CFAP221: variants seen among roughly 807,000 people sequenced by gnomAD.
CFAP221 encodes cilia and flagella associated protein 221.
A neutral mutation model predicts 113.1 loss-of-function variants in CFAP221; 97 were observed. That is an observed-to-expected ratio of 0.86 (90% CI 0.73 to 1.02). CFAP221 has a LOEUF of 1.02. Among genes scored for constraint, CFAP221 ranks in the 50% least tolerant of loss-of-function variants. The pLI, the probability that CFAP221 is intolerant of heterozygous loss-of-function variation, is 0.00. For synonymous variants in CFAP221, 331 were observed against 354.4 expected (o/e 0.93, Z 0.74); for missense variants, 1,025 against 1,013.4 (o/e 1.01, Z -0.16).
intron 23 of CFAP221, among the ~76,000 whole-genome samples, chr2:119,655,330 G>A (rs934647568): frequency 2.0e-5 from 3 of 152,208 alleles, no homozygotes; most frequent in East Asian, 1.9e-4. Flanking sequence ...GATCAACACA[G>A]TATTACTCAA....
intron 3 of CFAP221, chr2:119,556,950 G>C (rs1680850794): frequency 6.6e-6 from 1 of 152,144 alleles, no homozygotes; most frequent in South Asian, 2.1e-4. Context: ...GGTAGATTTG[G>C]ATTTGCTGTG....
chr2:119,560,045 CTT>C lies in CFAP221; in HGVS notation c.426+38_426+39del, dbSNP rs35631078. On this transcript the variant is annotated intron_variant, in intron 5 of 23. Coordinates refer to ENST00000413369, the MANE Select transcript of CFAP221 (RefSeq NM_001271049.2). Reference sequence around the variant, plus strand: ...CTGTAAGGTAGGTCTCTTAAAATTGCTTTTTTTTTTTTTTTTTTTTGATGGTG... The same window carrying C: ...CTGTAAGGTAGGTCTCTTAAAATTGCTTTTTTTTTTTTTTTTTTGATGGTG... 0.067 allele frequency: 55,124 copies of C among 824,184 alleles called. No individual in the cohort carries two copies. Among genetic ancestry groups the C allele is most frequent in the Middle Eastern group, 0.075 (213 of 2,844 alleles). The allele number at this position is 824,184 out of a possible 1,614,324, so 51.1% of individuals were successfully genotyped here. A position where few individuals can be genotyped will look rare whatever the true frequency, so the allele number is the denominator to read the frequency against.
chr2:119,580,873 A>G (rs1341555138), intron 6 of CFAP221: 1 of 152,486 alleles, frequency 6.6e-6, no homozygotes, highest in Non-Finnish European at 1.5e-5. Flanking sequence ...GCCTGCAGCC[A>G]GGAGAAGAGG....
intron 7 of CFAP221, among the ~76,000 whole-genome samples, chr2:119,596,056 A>G (rs1305666913): frequency 6.6e-6 from 1 of 151,908 alleles, no homozygotes; most frequent in African/African-American, 2.4e-5. Flanking sequence ...GGGTATTAGG[A>G]TTGGGTTCTG....
Position 119,564,788 on chromosome 2 carries a change from G to A in CFAP221, c.527+2674G>A, listed in dbSNP as rs534946251. On this transcript the variant is annotated intron_variant, in intron 6 of 23. Coordinates refer to ENST00000413369, the MANE Select transcript of CFAP221 (RefSeq NM_001271049.2). ...TCCACTGCTGATGGACCGATGGGTAGTTTCCACTATTTTGTTTTGTTTTGT... is the reference window on the plus strand; with the variant it reads ...TCCACTGCTGATGGACCGATGGGTAATTTCCACTATTTTGTTTTGTTTTGT... Among the ~76,000 whole-genome samples, 12 of 152,298 alleles carry A rather than the reference G, an allele frequency of 7.9e-5. No homozygotes were observed. The East Asian group carries it at 9.6e-4, about 12-fold the overall frequency.
chr2:119,638,452 C>G, intron 20 of CFAP221, 35 bp downstream of exon 20: 1 of 1,612,550 alleles, frequency 6.2e-7, no homozygotes, highest in Non-Finnish European at 8.5e-7. Context: ...GCAGAGTGAC[C>G]CTGGGCTGCA....
chr2:119,634,311 C>A (rs1186674918), intron 19 of CFAP221, among the ~76,000 whole-genome samples: 2 of 151,808 alleles, frequency 1.3e-5, no homozygotes, highest in Non-Finnish European at 2.9e-5. Context: ...ACTGTTTCTA[C>A]AAAAAATTAG....
In CFAP221 at chr2:119,644,538, G is replaced by A. The variant is rs903906440; in HGVS notation, c.2226-2420G>A. ...TAACAAGGATAAGCTCTATGTCTCC[G>A]GGCCCAGGTTTGTTTTGGTGGGAAA... On this transcript the variant is annotated intron_variant, in intron 21 of 23. Coordinates refer to ENST00000413369, the MANE Select transcript of CFAP221 (RefSeq NM_001271049.2). Among the ~76,000 whole-genome samples the A allele has an allele frequency of 3.4e-4, 51 of 152,184 alleles. 1 individual carries two copies. Among genetic ancestry groups the A allele is most frequent in the Admixed American group, 9.8e-4 (15 of 15,284 alleles).
chr2:119,654,380 C>T (rs1457350545), intron 23 of CFAP221, among the ~76,000 whole-genome samples: 2 of 152,072 alleles, frequency 1.3e-5, no homozygotes. Context: ...TTTCAAAAAA[C>T]TGACCTAGGG....
Position 119,639,890 on chromosome 2 carries a change from G to A in CFAP221, c.2225+18G>A. 1.2e-6 allele frequency: 2 copies of A among 1,601,450 alleles called. No homozygotes were observed. Among genetic ancestry groups the A allele is most frequent in the South Asian group, 2.2e-5 (2 of 90,800 alleles). ...ACAAAGAGGTAAGCACAGCTCATCT[G>A]TTTGCTCACGAGTATGTGTGCCCCA... On this transcript the variant is annotated intron_variant, in intron 21 of 23. Coordinates refer to ENST00000413369, the MANE Select transcript of CFAP221 (RefSeq NM_001271049.2).
At chr2:119,600,108 G>T (rs958321150) in intron 7 of CFAP221, among the ~76,000 whole-genome samples, 2 of 152,144 alleles carry the variant, frequency 1.3e-5, no homozygotes, top group African/African-American at 4.8e-5. Context: ...GCCTTCAGTG[G>T]AAGTCAGAAC....
chr2:119,562,186 CT>C (rs1427662842), intron 6 of CFAP221, 72 bp downstream of exon 6: 19 of 988,302 alleles, frequency 1.9e-5, no homozygotes, highest in Non-Finnish European at 2.6e-5. Context: ...AAACCTTAGA[CT>C]TTTGTTTTTC....
intron 21 of CFAP221, among the ~76,000 whole-genome samples, chr2:119,644,221 A>G (rs1687663784): frequency 6.6e-6 from 1 of 152,224 alleles, no homozygotes; most frequent in South Asian, 2.1e-4. Flanking sequence ...CCCAACCACC[A>G]TCTACTGTCA....
intron 3 of CFAP221, among the ~76,000 whole-genome samples, chr2:119,551,099 G>A (rs1373937525): frequency 6.6e-6 from 1 of 152,142 alleles, no homozygotes; most frequent in Non-Finnish European, 1.5e-5. Flanking sequence ...CCCCTTTTAT[G>A]GCTGAACAGC....
chr2:119,546,344 G>A, intron 2 of CFAP221, 74 bp downstream of exon 2: 1 of 1,424,516 alleles, frequency 7.0e-7, no homozygotes, highest in Non-Finnish European at 9.3e-7. Context: ...AGAGCATAAT[G>A]GGACTTTTAG....
chr2:119,602,666 C>G, intron 8 of CFAP221: 1 of 985,308 alleles, frequency 1.0e-6, no homozygotes, highest in Non-Finnish European at 1.2e-6. Context: ...GAACCCAAAT[C>G]CTGCAAATAA....
At position 119,544,461 on chromosome 2, in the gene CFAP221, GGGCGCC is replaced by G. The variant is rs565397557; in HGVS notation, c.-91_-86del. ...GCGTCGTCATGGCGACGCTCCGAGC[GGGCGCC>G]GGCGCTGGCGCCGGCCGAATCCGGC... On this transcript the variant is annotated 5_prime_UTR_variant, in exon 1 of 24. Transcript: ENST00000413369. The G allele has an allele frequency of 6.6e-6, 1 of 151,950 alleles. No individual in the cohort carries two copies. Among genetic ancestry groups the G allele is most frequent in the East Asian group, 1.9e-4 (1 of 5,144 alleles). The allele number at this position is 151,950 out of a possible 1,614,324, so 9.4% of individuals were successfully genotyped here.
intron 7 of CFAP221, among the ~76,000 whole-genome samples, chr2:119,598,786 T>A (rs1056444513): frequency 6.6e-6 from 1 of 152,160 alleles, no homozygotes; most frequent in Admixed American, 6.5e-5. Flanking sequence ...TCTGGTTGCC[T>A]AGACTACACC....
At position 119,551,828 on chromosome 2, in the gene CFAP221, T is replaced by C. The variant is rs1389609650; in HGVS notation, c.240+2643T>C. On this transcript the variant is annotated intron_variant, in intron 3 of 23. Transcript: ENST00000413369. ...ATGGGAATTGCATTGAATCTGTAGATCAATTTGGGGAATATTGCAACCTTA... is the reference window on the plus strand; with the variant it reads ...ATGGGAATTGCATTGAATCTGTAGACCAATTTGGGGAATATTGCAACCTTA... Among the ~76,000 whole-genome samples the C allele has an allele frequency of 2.6e-5, 4 of 152,334 alleles. No individual in the cohort carries two copies. The Middle Eastern group carries it at 0.01, about 389-fold the overall frequency.
Sources: gnomAD v4.1 joint callset for allele counts (sites outside exome capture counted in the v4.1 genomes callset) on GRCh38, gnomAD v4.1.1 for gene constraint, MANE v1.5 for transcripts, NCBI Gene and HGNC (gene_info 2026-07-23, HGNC 2026-07-21) for gene names.